PPFIA2: variants seen among roughly 807,000 people sequenced by gnomAD.
PPFIA2 encodes the protein liprin-alpha-2.
A neutral mutation model predicts 175.5 loss-of-function variants in PPFIA2; 46 were observed. The observed-to-expected ratio is 0.26, with a 90% CI of 0.21 to 0.34. The LOEUF (loss-of-function observed/expected upper bound fraction) is 0.34. Ranked by LOEUF, PPFIA2 falls within the 10% of genes least tolerant of loss-of-function variation. PPFIA2 has a pLI of 1.00. For missense variants in PPFIA2, 1,179 were observed against 1,506.1 expected, an observed-to-expected ratio of 0.78 and a Z score of 3.60; for synonymous variants, 568 against 511.4, an observed-to-expected ratio of 1.11 and a Z score of -1.49.
intron 3 of PPFIA2, among the ~76,000 whole-genome samples, chr12:81,746,442 G>T (rs1428575738): frequency 7.0e-6 from 1 of 143,554 alleles, no homozygotes; most frequent in Non-Finnish European, 1.6e-5. Flanking sequence ...TCTGAACAGG[G>T]AGTTAGAGGA....
intron 11 of PPFIA2, 82 bp from the exon 12 acceptor site, chr12:81,369,276 A>C (rs760761322): frequency 1.3e-6 from 2 of 1,550,640 alleles, no homozygotes; most frequent in Admixed American, 1.9e-5. Context: ...ATAAAATGTA[A>C]AGCAAGCTAC....
chr12:81,634,644 A>T (rs1356063431), intron 4 of PPFIA2, among the ~76,000 whole-genome samples: 3 of 152,100 alleles, frequency 2.0e-5, no homozygotes, highest in Non-Finnish European at 4.4e-5. Context: ...GCTGCATATT[A>T]TAATACAAGT....
chr12:81,616,888 T>C (rs949057440), intron 4 of PPFIA2, among the ~76,000 whole-genome samples: 1 of 152,174 alleles, frequency 6.6e-6, no homozygotes, highest in Non-Finnish European at 1.5e-5. Flanking sequence ...TTGATTGAAC[T>C]GATTAGGTGC....
intron 4 of PPFIA2, among the ~76,000 whole-genome samples, chr12:81,506,758 T>G (rs76666151): frequency 7.9e-5 from 12 of 152,344 alleles, no homozygotes; most frequent in African/African-American, 2.6e-4. Flanking sequence ...AAGGGCCAGA[T>G]AGTAAATAAT....
intron 22 of PPFIA2, among the ~76,000 whole-genome samples, chr12:81,312,763 G>A (rs891724187): frequency 4.0e-4 from 61 of 151,970 alleles, no homozygotes; most frequent in African/African-American, 1.4e-3. Context: ...ACAATCCCTG[G>A]CAATAGAAAT....
At chr12:81,711,682 C>T (rs567534676) in intron 3 of PPFIA2, among the ~76,000 whole-genome samples, 2 of 150,712 alleles carry the variant, frequency 1.3e-5, no homozygotes, top group African/African-American at 4.8e-5. Context: ...TAATACTTGC[C>T]TATTAGTGCC....
chr12:81,435,898 C>T (rs2048901211), intron 7 of PPFIA2, among the ~76,000 whole-genome samples: 1 of 152,076 alleles, frequency 6.6e-6, no homozygotes, highest in Admixed American at 6.6e-5. Context: ...AGCACCCTTA[C>T]TCTTCAAGAT....
intron 4 of PPFIA2, among the ~76,000 whole-genome samples, chr12:81,525,557 G>C (rs2153272586): frequency 6.6e-6 from 1 of 152,190 alleles, no homozygotes; most frequent in African/African-American, 2.4e-5. Context: ...GCTTGGAAGA[G>C]GGCTCTGAGC....
chr12:81,282,977 T>C, intron 26 of PPFIA2, 33 bp downstream of exon 26: 17 of 1,583,066 alleles, frequency 1.1e-5, no homozygotes, highest in Non-Finnish European at 1.5e-5. Context: ...TACTAAATGA[T>C]ATTAAGGGTC....
intron 15 of PPFIA2, among the ~76,000 whole-genome samples, chr12:81,358,687 T>G (rs1042576350): frequency 2.0e-5 from 3 of 152,124 alleles, no homozygotes; most frequent in Non-Finnish European, 4.4e-5. Context: ...TTAAAATTTT[T>G]GGAGAAATTT....
chr12:81,612,725 TTGA>T (rs1217605622), intron 4 of PPFIA2, among the ~76,000 whole-genome samples: 2 of 152,200 alleles, frequency 1.3e-5, no homozygotes, highest in Admixed American at 6.5e-5. Context: ...AACTCACATT[TTGA>T]TGATGTTTTA....
intron 4 of PPFIA2, among the ~76,000 whole-genome samples, chr12:81,554,404 C>T (rs980312092): frequency 4.0e-5 from 6 of 151,826 alleles, no homozygotes; most frequent in South Asian, 4.2e-4. Context: ...AACTGGGAAC[C>T]GAAATGTCAC....
In PPFIA2 at chr12:81,433,200, G is replaced by C. The variant is rs1188812772; in HGVS notation, c.645+6772C>G. ...TATCAATGCAACATTCCTTATTCTT[G>C]AAACAGCAGTTTCAGATTTTCTTAA... On this transcript the variant is annotated intron_variant, in intron 7 of 32. Transcript: ENST00000549396. Among the ~76,000 whole-genome samples, 6 of 151,892 alleles carry C rather than the reference G, an allele frequency of 4.0e-5. No homozygotes were observed. The East Asian group carries it at 1.2e-3, about 29-fold the overall frequency.
chr12:81,317,809 T>C (rs1329033865), intron 22 of PPFIA2, among the ~76,000 whole-genome samples: 1 of 151,678 alleles, frequency 6.6e-6, no homozygotes, highest in East Asian at 1.9e-4. Context: ...CTCTGTTCAG[T>C]TCTCTTCTGA....
chr12:81,443,804 C>A (rs964378249), intron 6 of PPFIA2, among the ~76,000 whole-genome samples: 1 of 150,334 alleles, frequency 6.7e-6, no homozygotes, highest in Non-Finnish European at 1.5e-5. Flanking sequence ...CTTAAAAAAC[C>A]CTTAATCATT....
At chr12:81,630,271 G>A (rs2063215995) in intron 4 of PPFIA2, among the ~76,000 whole-genome samples, 2 of 152,150 alleles carry the variant, frequency 1.3e-5, no homozygotes, top group Admixed American at 1.3e-4. Context: ...ATTTGTTGTA[G>A]GTGCAAGAGG....
intron 4 of PPFIA2, among the ~76,000 whole-genome samples, chr12:81,535,913 A>C (rs1285776095): frequency 1.3e-5 from 2 of 151,828 alleles, no homozygotes; most frequent in Non-Finnish European, 1.5e-5. Context: ...AAATAAAACC[A>C]GAATATAACA....
intron 4 of PPFIA2, among the ~76,000 whole-genome samples, chr12:81,590,088 T>C (rs2058499473): frequency 6.6e-6 from 1 of 152,154 alleles, no homozygotes; most frequent in Admixed American, 6.6e-5. Flanking sequence ...ATGCATATAA[T>C]TGGGTGACAG....
intron 4 of PPFIA2, among the ~76,000 whole-genome samples, chr12:81,501,499 C>T (rs1408345151): frequency 5.3e-5 from 8 of 152,074 alleles, no homozygotes; most frequent in Non-Finnish European, 8.8e-5. Context: ...GATACAGGCA[C>T]TTTTCTCTAT....
Sources: gnomAD v4.1 joint callset for allele counts (sites outside exome capture counted in the v4.1 genomes callset) on GRCh38, gnomAD v4.1.1 for gene constraint, MANE v1.5 for transcripts, NCBI Gene and HGNC (gene_info 2026-07-23, HGNC 2026-07-21) for gene names.